Variants in SPEF2 observed in about 807,000 individuals in gnomAD.
SPEF2 encodes sperm flagellar and cilia associated 2, also known as sperm flagella and cilia-associated protein 2.
In SPEF2, 187 loss-of-function variants were observed where a neutral mutation model predicts 224.6. The observed-to-expected ratio is 0.83, with a 90% CI of 0.74 to 0.94. The LOEUF (loss-of-function observed/expected upper bound fraction) is 0.94. Among genes scored for constraint, SPEF2 ranks in the 40% least tolerant of loss-of-function variants. SPEF2 has a pLI of 0.00. For missense variants in SPEF2, 2,170 were observed against 2,135.6 expected (o/e 1.02, Z -0.32); for synonymous variants, 715 against 707.3 (o/e 1.01, Z -0.17).
chr5:35,727,643 T>G (rs1413617815), intron 20 of SPEF2, 32 bp from the exon 21 acceptor site: 2 of 1,584,538 alleles, frequency 1.3e-6, no homozygotes. Context: ...TTCATTTACT[T>G]GTATTGGAAT....
rs369545326 is a variant in SPEF2, at chr5:35,635,503, C to T, written c.162-5928C>T. On this transcript the variant is annotated intron_variant, in intron 2 of 36. Coordinates refer to ENST00000356031, the MANE Select transcript of SPEF2 (RefSeq NM_024867.4). The stretch of plus-strand genomic sequence containing the variant: ...TATTGACTTTGGAAACAAAAGACAT[C>T]ATTCTATTTACAGGATTCAGTTTTT... Among the ~76,000 whole-genome samples, 23 of 152,226 alleles carry T rather than the reference C, an allele frequency of 1.5e-4. 1 individual carries two copies. In the South Asian group the frequency reaches 4.4e-3, roughly 29 times the overall value.
intron 14 of SPEF2, 136 bp downstream of exon 14, chr5:35,695,932 A>G (rs1375194808): frequency 7.1e-6 from 4 of 561,556 alleles, no homozygotes; most frequent in Non-Finnish European, 1.2e-5. Context: ...ATGGTATAAT[A>G]TTAGCTCACC....
At chr5:35,760,020 A>G (rs890467174) in intron 25 of SPEF2, among the ~76,000 whole-genome samples, 2 of 152,256 alleles carry the variant, frequency 1.3e-5, no homozygotes, top group Non-Finnish European at 1.5e-5. Flanking sequence ...GGTATACACA[A>G]ATTCTGAATT....
chr5:35,773,643 C>T (rs1753189376), intron 27 of SPEF2, among the ~76,000 whole-genome samples: 1 of 152,046 alleles, frequency 6.6e-6, no homozygotes, highest in African/African-American at 2.4e-5. Flanking sequence ...TTGCTACATA[C>T]CTTATTTTTT....
intron 36 of SPEF2, among the ~76,000 whole-genome samples, chr5:35,810,304 T>A (rs1758454002): frequency 6.6e-6 from 1 of 152,068 alleles, no homozygotes; most frequent in South Asian, 2.1e-4. Context: ...CTCCACCTCC[T>A]GGGTTCACAC....
intron 23 of SPEF2, among the ~76,000 whole-genome samples, chr5:35,752,134 C>G (rs961898682): frequency 1.3e-5 from 2 of 152,050 alleles, no homozygotes; most frequent in Admixed American, 6.6e-5. Context: ...AGGTGGAGAT[C>G]GGGGAGTAAT....
At chr5:35,782,438 A>G (rs1754473851) in intron 30 of SPEF2, among the ~76,000 whole-genome samples, 1 of 152,228 alleles carries the variant, frequency 6.6e-6, no homozygotes, top group Non-Finnish European at 1.5e-5. Context: ...AAATATATTA[A>G]AACAGATGGA....
intron 6 of SPEF2, 107 bp downstream of exon 6, chr5:35,649,532 C>A: frequency 1.3e-6 from 1 of 792,646 alleles, no homozygotes; most frequent in Non-Finnish European, 1.9e-6. Flanking sequence ...AGGATCTTTT[C>A]ACTCCAAAGA....
At chr5:35,721,066 C>T (rs1479782581) in intron 20 of SPEF2, among the ~76,000 whole-genome samples, 1 of 152,112 alleles carries the variant, frequency 6.6e-6, no homozygotes, top group Non-Finnish European at 1.5e-5. Flanking sequence ...TTAGGAAAAC[C>T]TTGTTATGCT....
At chr5:35,698,268 A>C (rs912937631) in intron 15 of SPEF2, 33 of 152,808 alleles carry the variant, frequency 2.2e-4, no homozygotes, top group African/African-American at 7.7e-4. Flanking sequence ...TGGGATGTGG[A>C]AACAGTGAGA....
chr5:35,749,670 A>G (rs535870000), intron 23 of SPEF2, among the ~76,000 whole-genome samples: 1 of 152,252 alleles, frequency 6.6e-6, no homozygotes, highest in Admixed American at 6.5e-5. Flanking sequence ...CTCTACAAGG[A>G]AAACTACAAA....
intron 20 of SPEF2, among the ~76,000 whole-genome samples, chr5:35,725,197 A>G (rs1176897174): frequency 1.3e-5 from 2 of 152,150 alleles, no homozygotes; most frequent in African/African-American, 2.4e-5. Flanking sequence ...CATCTTATTT[A>G]AGACACTCTA....
intron 34 of SPEF2, among the ~76,000 whole-genome samples, chr5:35,803,714 A>G (rs1441722932): frequency 1.3e-5 from 2 of 152,218 alleles, no homozygotes; most frequent in African/African-American, 4.8e-5. Flanking sequence ...CCAGGAAGCC[A>G]TAATGCTCAG....
At chr5:35,805,236 A>G (rs545682310) in intron 34 of SPEF2, among the ~76,000 whole-genome samples, 148 of 152,150 alleles carry the variant, frequency 9.7e-4, no homozygotes, top group African/African-American at 3.4e-3. Context: ...TAAATTCCCA[A>G]CTTAACAATG....
At chr5:35,776,915 C>T (rs1306018744) in intron 29 of SPEF2, among the ~76,000 whole-genome samples, 1 of 152,162 alleles carries the variant, frequency 6.6e-6, no homozygotes, top group Non-Finnish European at 1.5e-5. Context: ...CAATGACTCT[C>T]ATCCTGTTAG....
chr5:35,814,384 C>A, intron 36 of SPEF2, 80 bp from the exon 37 acceptor site: 2 of 683,674 alleles, frequency 2.9e-6, no homozygotes, highest in South Asian at 3.5e-5. Context: ...ACTATGTGAT[C>A]ATTTATTAGT....
At chr5:35,796,098 G>A (rs1240564603) in intron 33 of SPEF2, among the ~76,000 whole-genome samples, 2 of 152,142 alleles carry the variant, frequency 1.3e-5, no homozygotes, top group Non-Finnish European at 2.9e-5. Flanking sequence ...TAACACATTT[G>A]TCTCTAAGCT....
intron 8 of SPEF2, among the ~76,000 whole-genome samples, chr5:35,665,914 T>C (rs1289080940): frequency 6.6e-6 from 1 of 152,106 alleles, no homozygotes; most frequent in Non-Finnish European, 1.5e-5. Context: ...AATAAAACAG[T>C]AATAGCAAAA....
At chr5:35,722,046 G>A (rs1300719495) in intron 20 of SPEF2, among the ~76,000 whole-genome samples, 1 of 152,090 alleles carries the variant, frequency 6.6e-6, no homozygotes. Context: ...TAGTAAAGGG[G>A]GGTAAAAACT....
Sources: gnomAD v4.1 joint callset for allele counts (sites outside exome capture counted in the v4.1 genomes callset) on GRCh38, gnomAD v4.1.1 for gene constraint, MANE v1.5 for transcripts, NCBI Gene and HGNC (gene_info 2026-07-23, HGNC 2026-07-21) for gene names.